Variants in GULP1 observed in about 807,000 individuals in gnomAD.
GULP1 encodes PTB domain-containing engulfment adapter protein 1.
A neutral mutation model predicts 40.9 loss-of-function variants in GULP1; 19 were observed. The observed-to-expected ratio is 0.46, with a 90% CI of 0.32 to 0.68. The LOEUF (loss-of-function observed/expected upper bound fraction) is 0.68. Among genes scored for constraint, GULP1 ranks in the 30% least tolerant of loss-of-function variants. The probability of loss-of-function intolerance (pLI) is 0.03; values close to 1 mark genes in which losing one functional copy is unlikely to be tolerated. For missense variants in GULP1, 312 were observed against 362.2 expected (o/e 0.86, Z 1.12); for synonymous variants, 119 against 117.6 (o/e 1.01, Z -0.08).
chr2:188,467,884 C>T (rs2060257209), intron 2 of GULP1, among the ~76,000 whole-genome samples: 1 of 152,154 alleles, frequency 6.6e-6, no homozygotes, highest in East Asian at 1.9e-4. Context: ...ATATAAAAGA[C>T]ATGTCTGATT....
intron 1 of GULP1, among the ~76,000 whole-genome samples, chr2:188,379,902 C>T (rs983743521): frequency 2.0e-5 from 3 of 152,164 alleles, no homozygotes; most frequent in African/African-American, 7.2e-5. Flanking sequence ...TGGACAGCTT[C>T]TGTGAACTGA....
chr2:188,576,930 A>G lies in GULP1; in HGVS notation c.609+6810A>G, dbSNP rs1321163139. Among the ~76,000 whole-genome samples, 8 of 152,254 alleles carry G rather than the reference A, an allele frequency of 5.3e-5. No homozygotes were observed. In the East Asian group the frequency reaches 5.8e-4, roughly 11 times the overall value. ...ATATGGCAATGCTGCCTGTATTTAT[A>G]TTAGAAAAAGAGTTTATTCTGCCCT... On this transcript the variant is annotated intron_variant, in intron 9 of 11. Coordinates refer to ENST00000409830, the MANE Select transcript of GULP1 (RefSeq NM_016315.4).
At chr2:188,590,390 G>A (rs1703294445) in intron 11 of GULP1, 1 of 152,090 alleles carries the variant, frequency 6.6e-6, no homozygotes, top group Non-Finnish European at 1.5e-5. Context: ...CTAGCCTAAT[G>A]AATCTAATGC....
At chr2:188,548,417 G>T (rs999075385) in intron 7 of GULP1, among the ~76,000 whole-genome samples, 1 of 152,056 alleles carries the variant, frequency 6.6e-6, no homozygotes, top group African/African-American at 2.4e-5. Context: ...TTTGTATGCT[G>T]AAAATTCATG....
At chr2:188,489,681 T>A (rs2062178700) in intron 4 of GULP1, among the ~76,000 whole-genome samples, 1 of 152,060 alleles carries the variant, frequency 6.6e-6, no homozygotes, top group Non-Finnish European at 1.5e-5. Context: ...TTTTGCTTTA[T>A]GTGCCAAAGT....
intron 1 of GULP1, among the ~76,000 whole-genome samples, chr2:188,371,732 CATT>C (rs1258321101): frequency 6.6e-6 from 1 of 152,032 alleles, no homozygotes; most frequent in Non-Finnish European, 1.5e-5. Flanking sequence ...TCTATTATAA[CATT>C]ATGATAACAA....
chr2:188,316,432 A>G (rs185641306), intron 1 of GULP1, among the ~76,000 whole-genome samples: 1 of 152,198 alleles, frequency 6.6e-6, no homozygotes, highest in East Asian at 1.9e-4. Context: ...GTCCTGCATT[A>G]TGTCACTTCT....
At chr2:188,579,918 A>G (rs1246616074) in intron 9 of GULP1, among the ~76,000 whole-genome samples, 2 of 152,172 alleles carry the variant, frequency 1.3e-5, no homozygotes, top group African/African-American at 4.8e-5. Context: ...ATCCTAAAAA[A>G]TATAGAGTAT....
chr2:188,522,513 A>G (rs1685101270), intron 4 of GULP1, among the ~76,000 whole-genome samples: 2 of 151,038 alleles, frequency 1.3e-5, no homozygotes, highest in East Asian at 1.9e-4. Context: ...AAAATCTACA[A>G]GTAAAATATT....
chr2:188,434,902 C>G (rs1378582012), intron 2 of GULP1, among the ~76,000 whole-genome samples: 1 of 151,946 alleles, frequency 6.6e-6, no homozygotes, highest in Non-Finnish European at 1.5e-5. Flanking sequence ...CTTTTATAAT[C>G]TTATCACAAC....
intron 9 of GULP1, among the ~76,000 whole-genome samples, chr2:188,570,614 C>A (rs1367283711): frequency 1.3e-5 from 2 of 152,082 alleles, no homozygotes; most frequent in African/African-American, 4.8e-5. Context: ...TCTCTGCAGA[C>A]AAAACTCAAG....
chr2:188,420,253 A>G (rs1232680448), intron 2 of GULP1, among the ~76,000 whole-genome samples: 7 of 152,158 alleles, frequency 4.6e-5, no homozygotes, highest in Non-Finnish European at 4.4e-5. Context: ...AATTGCGTTG[A>G]ATGTGTAGAT....
intron 1 of GULP1, among the ~76,000 whole-genome samples, chr2:188,378,528 C>T (rs994461291): frequency 6.6e-6 from 1 of 152,148 alleles, no homozygotes; most frequent in African/African-American, 2.4e-5. Context: ...GTTCTGCAAG[C>T]TATATACGAC....
intron 7 of GULP1, among the ~76,000 whole-genome samples, chr2:188,549,490 CA>C (rs1284749183): frequency 6.6e-6 from 1 of 151,598 alleles, no homozygotes; most frequent in Non-Finnish European, 1.5e-5. Context: ...ATAAAATCAC[CA>C]AATGCTGGTA....
rs1437184480 is a variant in GULP1 at position 188,557,860 on chromosome 2, C to T, written c.400-11379C>T. Among the ~76,000 whole-genome samples, 5 of 152,176 alleles carry T rather than the reference C, an allele frequency of 3.3e-5. No individual in the cohort carries two copies. In the East Asian group the frequency reaches 9.6e-4, roughly 29 times the overall value. The stretch of plus-strand genomic sequence containing the variant: ...TGACTTGCACCCTCTGAAGCAGTGA[C>T]CTGTGCTGTACCTGGGCCTCTTTGA... On this transcript the variant is annotated intron_variant, in intron 7 of 11. Transcript: ENST00000409830.
intron 7 of GULP1, among the ~76,000 whole-genome samples, chr2:188,566,229 C>T (rs1396779138): frequency 6.6e-6 from 1 of 152,038 alleles, no homozygotes; most frequent in Non-Finnish European, 1.5e-5. Context: ...CATTCACTAG[C>T]TTTAGGCAAG....
chr2:188,491,063 G>T (rs2062337166), intron 4 of GULP1, among the ~76,000 whole-genome samples: 1 of 151,994 alleles, frequency 6.6e-6, no homozygotes, highest in Admixed American at 6.6e-5. Context: ...CTCCCAAAGT[G>T]CTGGGATTAC....
At chr2:188,584,476 G>T in intron 10 of GULP1, 73 bp downstream of exon 10, 3 of 728,508 alleles carry the variant, frequency 4.1e-6, no homozygotes, top group South Asian at 3.3e-5. Flanking sequence ...AAGACTTTGT[G>T]GGAAATTACA....
intron 7 of GULP1, among the ~76,000 whole-genome samples, chr2:188,545,012 A>G (rs1559363577): frequency 6.6e-6 from 1 of 152,216 alleles, no homozygotes; most frequent in East Asian, 1.9e-4. Flanking sequence ...ACTTACCTAT[A>G]GCAGAGAATG....
Sources: gnomAD v4.1 joint callset for allele counts (sites outside exome capture counted in the v4.1 genomes callset) on GRCh38, gnomAD v4.1.1 for gene constraint, MANE v1.5 for transcripts, NCBI Gene and HGNC (gene_info 2026-07-23, HGNC 2026-07-21) for gene names.